Variants in FOXP1 observed in about 807,000 individuals in gnomAD.
FOXP1 encodes the protein forkhead box protein P1.
A neutral mutation model predicts 98.2 loss-of-function variants in FOXP1; 15 were observed. The ratio of observed to expected loss-of-function variants is 0.15; its 90% CI spans 0.10 to 0.24. The LOEUF is 0.24. Among genes scored for constraint, FOXP1 ranks in the 10% least tolerant of loss-of-function variants. FOXP1 has a pLI of 1.00. For synonymous variants in FOXP1, 371 were observed against 314.5 expected (o/e 1.18, Z -1.90); for missense variants, 633 against 848.5 (o/e 0.75, Z 3.15).
intron 3 of FOXP1, among the ~76,000 whole-genome samples, chr3:71,401,018 T>C (rs1054706064): frequency 1.7e-4 from 26 of 152,194 alleles, no homozygotes; most frequent in African/African-American, 5.8e-4. Flanking sequence ...TCAGTCTGTC[T>C]CTTGTCTAAG....
At chr3:71,330,577 G>A (rs1388365954) in intron 4 of FOXP1, among the ~76,000 whole-genome samples, 2 of 152,184 alleles carry the variant, frequency 1.3e-5, no homozygotes, top group African/African-American at 2.4e-5. Flanking sequence ...AGAAAAACTG[G>A]TAAAGAATCT....
chr3:71,461,054 T>TTTTG (rs2088045450), intron 3 of FOXP1, among the ~76,000 whole-genome samples: 1 of 152,174 alleles, frequency 6.6e-6, no homozygotes, highest in African/African-American at 2.4e-5. Flanking sequence ...TCTTAGACGT[T>TTTTG]TTTGTTTGTT....
At chr3:71,285,581 TC>T (rs1282876388) in intron 5 of FOXP1, among the ~76,000 whole-genome samples, 3 of 152,182 alleles carry the variant, frequency 2.0e-5, no homozygotes, top group Non-Finnish European at 1.5e-5. Context: ...ACTTGTAAAT[TC>T]CCTTAACATA....
intron 5 of FOXP1, among the ~76,000 whole-genome samples, chr3:71,255,910 T>TA (rs568626499): frequency 0.013 from 2,049 of 152,284 alleles, 22 homozygotes; most frequent in Middle Eastern, 0.068. Flanking sequence ...AAGTAGGATA[T>TA]AAAAGTAAAG....
intron 7 of FOXP1, among the ~76,000 whole-genome samples, chr3:71,101,979 G>T (rs1004603541): frequency 5.3e-5 from 8 of 152,242 alleles, no homozygotes; most frequent in Middle Eastern, 3.4e-3. Context: ...TTAAAAATCT[G>T]TTCTTTTGTT....
intron 7 of FOXP1, among the ~76,000 whole-genome samples, chr3:71,080,233 A>G (rs1158098419): frequency 3.9e-5 from 6 of 152,222 alleles, no homozygotes; most frequent in Non-Finnish European, 8.8e-5. Context: ...CAGGTCATAA[A>G]TGTTCCTCAG....
At chr3:71,030,430 C>A (rs2046708854) in intron 11 of FOXP1, among the ~76,000 whole-genome samples, 1 of 152,220 alleles carries the variant, frequency 6.6e-6, no homozygotes, top group Non-Finnish European at 1.5e-5. Context: ...CCAACAGTAA[C>A]CTCAGCCCCA....
chr3:71,244,291 G>T (rs373294630), intron 5 of FOXP1, among the ~76,000 whole-genome samples: 1 of 152,064 alleles, frequency 6.6e-6, no homozygotes, highest in Non-Finnish European at 1.5e-5. Flanking sequence ...GCCACAGTGC[G>T]TGCGCTCTCA....
At chr3:71,442,588 T>C (rs1327918519) in intron 3 of FOXP1, among the ~76,000 whole-genome samples, 2 of 152,226 alleles carry the variant, frequency 1.3e-5, no homozygotes, top group South Asian at 2.1e-4. Flanking sequence ...AGTATCATCC[T>C]GCACCAAACT....
intron 6 of FOXP1, among the ~76,000 whole-genome samples, chr3:71,186,354 G>C (rs933300720): frequency 2.6e-5 from 4 of 152,186 alleles, no homozygotes; most frequent in Admixed American, 6.5e-5. Flanking sequence ...AGGAACTCTA[G>C]AGGAATGATG....
At chr3:71,337,450 G>A (rs1404061901) in intron 4 of FOXP1, among the ~76,000 whole-genome samples, 2 of 152,164 alleles carry the variant, frequency 1.3e-5, no homozygotes, top group African/African-American at 4.8e-5. Flanking sequence ...ACTGATCTGT[G>A]CGCGAGCATG....
At chr3:71,528,693 A>G (rs2043591002) in intron 2 of FOXP1, among the ~76,000 whole-genome samples, 1 of 152,190 alleles carries the variant, frequency 6.6e-6, no homozygotes, top group Non-Finnish European at 1.5e-5. Flanking sequence ...GGGCTGGACT[A>G]CTTGAACAAG....
rs188366597 is a variant in FOXP1, at chr3:71,023,252, T to G, written c.870-7599A>C. 3.9e-5 allele frequency among the ~76,000 whole-genome samples: 6 copies of G among 152,308 alleles called. No individual in the cohort carries two copies. In the East Asian group the frequency reaches 9.6e-4, roughly 24 times the overall value. On this transcript the variant is annotated intron_variant, in intron 11 of 20. Transcript: ENST00000649528. ...TTTGTCTGTTATCCTTCCAAATTAT[T>G]TGGTCTCATGTCCATGTGCACAACT...
intron 2 of FOXP1, among the ~76,000 whole-genome samples, chr3:71,508,497 G>A (rs548952187): frequency 6.6e-6 from 1 of 152,280 alleles, no homozygotes; most frequent in African/African-American, 2.4e-5. Flanking sequence ...CAGAAGCTCT[G>A]GGGAAGCTGC....
intron 2 of FOXP1, among the ~76,000 whole-genome samples, chr3:71,498,159 T>C (rs1053045210): frequency 6.6e-6 from 1 of 152,196 alleles, no homozygotes; most frequent in African/African-American, 2.4e-5. Context: ...GGGCCTGCCT[T>C]GTTTCTGTAA....
At chr3:70,987,887 A>G in intron 14 of FOXP1, 107 bp downstream of exon 14, 1 of 985,404 alleles carries the variant, frequency 1.0e-6, no homozygotes, top group Non-Finnish European at 1.6e-6. Context: ...CAAAACTCAA[A>G]GCTCCACCAA....
In FOXP1 at chr3:70,988,487, C is replaced by A. The variant is rs536619060; in HGVS notation, c.1063-410G>T. ...TCCTAGACAGATGGATACATTTATG[C>A]AAAATTAGCTTCATCTTTCTTAACA... On this transcript the variant is annotated intron_variant, in intron 13 of 20. Coordinates refer to ENST00000649528, the MANE Select transcript of FOXP1 (RefSeq NM_001349338.3). Among the ~76,000 whole-genome samples the A allele has an allele frequency of 1.4e-4, 22 of 152,326 alleles. No individual in the cohort carries two copies. In the South Asian group the frequency reaches 4.6e-3, roughly 32 times the overall value.
intron 6 of FOXP1, among the ~76,000 whole-genome samples, chr3:71,122,994 C>T (rs2058889375): frequency 2.6e-5 from 4 of 152,110 alleles, no homozygotes; most frequent in Admixed American, 2.6e-4. Flanking sequence ...CACCTTCTAA[C>T]TTTAATCTCC....
intron 12 of FOXP1, among the ~76,000 whole-genome samples, chr3:71,005,337 A>AAAT (rs2042654552): frequency 6.7e-6 from 1 of 149,402 alleles, no homozygotes; most frequent in Non-Finnish European, 1.5e-5. Flanking sequence ...AAAAAAAAAA[A>AAAT]AAAACCAGAA....
Sources: gnomAD v4.1 joint callset for allele counts (sites outside exome capture counted in the v4.1 genomes callset) on GRCh38, gnomAD v4.1.1 for gene constraint, MANE v1.5 for transcripts, NCBI Gene and HGNC (gene_info 2026-07-23, HGNC 2026-07-21) for gene names.